The following ZNF226 variants were observed in gnomAD, a reference collection of about 807,000 sequenced individuals.
ZNF226 encodes the protein zinc finger protein 226, also known as Kruppel-associated box protein.
In ZNF226, 6 loss-of-function variants were observed where a neutral mutation model predicts 11.4. The observed-to-expected ratio is 0.53, with a 90% CI of 0.29 to 1.04. ZNF226 has a LOEUF of 1.04. Among genes scored for constraint, ZNF226 ranks in the 50% least tolerant of loss-of-function variants. The pLI is 0.08. For synonymous variants in ZNF226, 350 were observed against 322.8 expected (o/e 1.08, Z -0.90); for missense variants, 1,058 against 956.5 (o/e 1.11, Z -1.40).
At chr19:44,180,412 C>G (rs1970889925), downstream of ZNF226, among the ~76,000 whole-genome samples, 1 of 152,184 alleles carries the variant, frequency 6.6e-6, no homozygotes, top group Non-Finnish European at 1.5e-5. Flanking sequence ...ACTGCATCTT[C>G]ACATGCTAAG....
At chr19:44,194,658 A>G in the ZNF226 span, among the ~76,000 whole-genome samples, 1 of 152,192 alleles carries the variant, frequency 6.6e-6, no homozygotes, top group African/African-American at 2.4e-5. Flanking sequence ...AAAAAATGTG[A>G]GTTAACTACT....
Position 44,172,974 on chromosome 19 carries a change from G to C in ZNF226, c.235+22G>C, listed in dbSNP as rs1162708647. On this transcript the variant is annotated intron_variant, in intron 5 of 5. Coordinates refer to ENST00000337433, the MANE Select transcript of ZNF226 (RefSeq NM_001032373.2). The stretch of plus-strand genomic sequence containing the variant: ...TTAGGTAAAAACCAAACAGTTATGA[G>C]TTCTTATAGTTAACTGTCCATCTGC... The C allele has an allele frequency of 1.9e-6, 3 of 1,560,926 alleles. No individual in the cohort carries two copies. The South Asian group carries it at 3.5e-5, about 18-fold the overall frequency.
downstream of ZNF226, among the ~76,000 whole-genome samples, chr19:44,180,084 C>CT: frequency 1.4e-5 from 1 of 73,276 alleles, no homozygotes; most frequent in Non-Finnish European, 2.2e-5. Context: ...AAGACTCTGT[C>CT]TCAAAAAAAA....
At position 44,177,462 on chromosome 19, in the gene ZNF226, A is replaced by G. The variant is rs1052484139; in HGVS notation, c.2200A>G (p.Lys734Glu). The change falls in exon 6 of 6, where the codon AAA becomes GAA. Residue 734 changes from lysine (K) to glutamate (E), a missense_variant. Lys to Glu is a moderately conservative substitution (Grantham distance 56, BLOSUM62 1). Coordinates refer to ENST00000337433, the MANE Select transcript of ZNF226 (RefSeq NM_001032373.2). ...ACCATACAAATGTGATGTGTGTGGT[A>G]AAGTCTTCAGTCGGTCTTCACAACT... ...EKPYKCDVCG[K>E]VFSRSSQLQS... is the part of the protein sequence containing the mutation. 22 of 1,614,102 alleles carry G rather than the reference A, an allele frequency of 1.4e-5. No individual in the cohort carries two copies. Among genetic ancestry groups the G allele is most frequent in the Non-Finnish European group, 1.8e-5 (21 of 1,180,040 alleles).
At chr19:44,174,888 C>T in intron 5 of ZNF226, 1 of 1,175,970 alleles carries the variant, frequency 8.5e-7, no homozygotes, top group East Asian at 2.4e-5. Context: ...TTTGATTTTT[C>T]TCTTCAGCAA....
At chr19:44,173,095 C>G in intron 5 of ZNF226, 143 bp downstream of exon 5, 1 of 679,462 alleles carries the variant, frequency 1.5e-6, no homozygotes. Flanking sequence ...TTGCCCTGCT[C>G]CCACCCCTCT....
chr19:44,195,625 T>C, the ZNF226 span, among the ~76,000 whole-genome samples: 2 of 152,158 alleles, frequency 1.3e-5, no homozygotes, highest in South Asian at 4.1e-4. Context: ...TAGTTCAAGG[T>C]TGGACAGCCA....
At position 44,176,316 on chromosome 19, in the gene ZNF226, G is replaced by A. The variant is rs1365923242; in HGVS notation, c.1054G>A (p.Val352Ile). 2 of 1,614,192 alleles carry A rather than the reference G, an allele frequency of 1.2e-6. No homozygotes were observed. The highest frequency in any genetic ancestry group is 1.3e-5 in the African/African-American group (1 of 75,050). Reference sequence around the variant, plus strand: ...TTTCAGTCGTAGATCAGCACTTAATGTTCATTGCAAGGTCCACACGGCAGA... The same window carrying A: ...TTTCAGTCGTAGATCAGCACTTAATATTCATTGCAAGGTCCACACGGCAGA... The part of the protein sequence containing the change: ...KGFSRRSALN[V>I]HCKVHTAEKP... Residue 352 changes from valine to isoleucine, a missense_variant, in exon 6 of 6, where the codon GTT (valine) becomes ATT (isoleucine). Val to Ile is a conservative substitution (Grantham distance 29). Coordinates refer to ENST00000337433, the MANE Select transcript of ZNF226 (RefSeq NM_001032373.2).
intron 3 of ZNF226, among the ~76,000 whole-genome samples, chr19:44,170,765 TAGCC>T (rs1970004584): frequency 1.3e-5 from 2 of 151,748 alleles, no homozygotes; most frequent in East Asian, 3.9e-4. Flanking sequence ...ATAAAAAAAT[TAGCC>T]AGGTATGGCG....
chr19:44,178,388 T>A (rs1970852635), downstream of ZNF226: 1 of 152,226 alleles, frequency 6.6e-6, no homozygotes, highest in Admixed American at 6.5e-5. Flanking sequence ...AGTGTCAGAG[T>A]TGCTAATGAC....
chr19:44,178,390 G>A (rs185760979), downstream of ZNF226: 7 of 152,278 alleles, frequency 4.6e-5, no homozygotes, highest in Admixed American at 3.3e-4. Context: ...TGTCAGAGTT[G>A]CTAATGACAC....
chr19:44,177,053 T>C lies in ZNF226; in HGVS notation c.1791T>C (p.Ser597=). 6.2e-7 allele frequency: 1 copy of C among 1,613,658 alleles called. No homozygotes were observed. The highest frequency in any genetic ancestry group is 8.5e-7 in the Non-Finnish European group (1 of 1,179,906). ...YKCEECGKGF[S]RRADLKIHCR... ...GTGAAGAGTGTGGCAAGGGATTTAG[T>C]CGTAGAGCAGATCTTAAAATTCACT... is the stretch of plus-strand genomic sequence containing the variant. The change falls in exon 6 of 6, where the codon AGT becomes AGC. Residue 597 remains serine (S), a synonymous_variant. Transcript: ENST00000337433.
chr19:44,193,011 GA>G, the ZNF226 span, among the ~76,000 whole-genome samples: 3 of 151,996 alleles, frequency 2.0e-5, no homozygotes, highest in African/African-American at 7.2e-5. Context: ...AAAATTGTCT[GA>G]CAAATATATC....
chr19:44,170,062 C>G lies in ZNF226; in HGVS notation c.-19C>G. On this transcript the variant is annotated 5_prime_UTR_variant, in exon 3 of 6. Coordinates refer to ENST00000337433, the MANE Select transcript of ZNF226 (RefSeq NM_001032373.2). ...CAGCTTCTTAGGACTCTGCACTTCC[C>G]CAGAAGGAAGAATTAAAAATGAATA... is the stretch of plus-strand genomic sequence containing the variant. 1 of 1,608,810 alleles carries G rather than the reference C, an allele frequency of 6.2e-7. No homozygotes were observed. The highest frequency in any genetic ancestry group is 8.5e-7 in the Non-Finnish European group (1 of 1,177,096).
the ZNF226 span, among the ~76,000 whole-genome samples, chr19:44,199,170 T>G: frequency 6.6e-6 from 1 of 152,098 alleles, no homozygotes; most frequent in Non-Finnish European, 1.5e-5. Flanking sequence ...TGTTGTTGTG[T>G]TGTTGTTGCT....
downstream of ZNF226, among the ~76,000 whole-genome samples, chr19:44,180,762 A>G (rs542360532): frequency 9.2e-5 from 14 of 152,268 alleles, no homozygotes; most frequent in East Asian, 2.7e-3. Flanking sequence ...TGTTAAACCA[A>G]ATGATTTGTC....
At chr19:44,180,516 C>G (rs1453627896), downstream of ZNF226, among the ~76,000 whole-genome samples, 1 of 152,132 alleles carries the variant, frequency 6.6e-6, no homozygotes, top group Admixed American at 6.5e-5. Context: ...GATAGCCCAC[C>G]AACTCTCAGT....
At position 44,176,326 on chromosome 19, in the gene ZNF226, A is replaced by G. The variant is rs775680215; in HGVS notation, c.1064A>G (p.Lys355Arg). The change falls in exon 6 of 6, where the codon AAG becomes AGG. Residue 355 changes from lysine to arginine, a missense_variant. Coordinates refer to ENST00000337433, the MANE Select transcript of ZNF226 (RefSeq NM_001032373.2). ...SRRSALNVHCKVHTAEKPYNC... is the reference protein window; with the variant it reads ...SRRSALNVHCRVHTAEKPYNC... ...AGATCAGCACTTAATGTTCATTGCAAGGTCCACACGGCAGAGAAACCTTAT... is the reference window on the plus strand; with the variant it reads ...AGATCAGCACTTAATGTTCATTGCAGGGTCCACACGGCAGAGAAACCTTAT... 14 of 1,614,208 alleles carry G rather than the reference A, an allele frequency of 8.7e-6. No homozygotes were observed. In the Admixed American group the frequency reaches 1.0e-4, roughly 12 times the overall value.
At position 44,176,023 on chromosome 19, in the gene ZNF226, G is replaced by A. The variant is rs1348860789; in HGVS notation, c.761G>A (p.Cys254Tyr). Residue 254 changes from cysteine to tyrosine, a missense_variant, in exon 6 of 6, where the codon TGT becomes TAT. Cys to Tyr is a radical substitution (Grantham distance 194). Coordinates refer to ENST00000337433, the MANE Select transcript of ZNF226 (RefSeq NM_001032373.2). ...CACACAGGACAGAAATCGTACCAGT[G>A]TAATGAGTGTAAAAAACCCTTCAGT... ...MIHTGQKSYQCNECKKPFSDL... is the reference protein window; with the variant it reads ...MIHTGQKSYQYNECKKPFSDL... 2 of 1,613,972 alleles carry A rather than the reference G, an allele frequency of 1.2e-6. No individual in the cohort carries two copies.
Sources: allele counts gnomAD v4.1 joint callset (sites outside exome capture counted in the v4.1 genomes callset), GRCh38; gene constraint gnomAD v4.1.1; transcripts MANE v1.5; gene names NCBI Gene and HGNC (gene_info 2026-07-23, HGNC 2026-07-21).